Variants in DCC observed in about 807,000 individuals in gnomAD.
DCC encodes DCC netrin 1 receptor.
A neutral mutation model predicts 172.5 loss-of-function variants in DCC; 58 were observed. The ratio of observed to expected loss-of-function variants is 0.34; its 90% CI spans 0.27 to 0.42. The LOEUF (loss-of-function observed/expected upper bound fraction) is 0.42. Ranked by LOEUF, DCC falls within the 10% of genes least tolerant of loss-of-function variation. DCC has a pLI of 1.00. For missense variants in DCC, 1,740 were observed against 1,791.0 expected (o/e 0.97, Z 0.51); for synonymous variants, 709 against 644.5 (o/e 1.10, Z -1.52).
intron 15 of DCC, among the ~76,000 whole-genome samples, chr18:53,350,225 T>G (rs1294475354): frequency 6.6e-6 from 1 of 152,182 alleles, no homozygotes; most frequent in African/African-American, 2.4e-5. Context: ...GGAAAATGAA[T>G]CGAACTCGTT....
intron 7 of DCC, among the ~76,000 whole-genome samples, chr18:53,105,418 C>T (rs979955545): frequency 6.6e-6 from 1 of 151,932 alleles, no homozygotes; most frequent in African/African-American, 2.4e-5. Flanking sequence ...AGTGTTTAGC[C>T]CCAAATTTAC....
intron 13 of DCC, among the ~76,000 whole-genome samples, chr18:53,311,019 T>C (rs1048114423): frequency 2.7e-4 from 22 of 82,852 alleles, no homozygotes; most frequent in Admixed American, 2.3e-3. Flanking sequence ...CACACACACA[T>C]TGAGATTGAA....
At chr18:52,927,017 G>C (rs1330794728) in intron 5 of DCC, among the ~76,000 whole-genome samples, 4 of 119,684 alleles carry the variant, frequency 3.3e-5, no homozygotes, top group African/African-American at 1.2e-4. Flanking sequence ...AATTCACAAA[G>C]AAAAAATGCC....
intron 1 of DCC, among the ~76,000 whole-genome samples, chr18:52,542,639 C>T (rs1027815563): frequency 3.9e-5 from 6 of 152,060 alleles, no homozygotes; most frequent in Non-Finnish European, 1.5e-5. Flanking sequence ...AGTTTGAAAC[C>T]AGCCTGGCCA....
intron 1 of DCC, among the ~76,000 whole-genome samples, chr18:52,589,769 A>G (rs539335536): frequency 6.6e-6 from 1 of 152,346 alleles, no homozygotes; most frequent in East Asian, 1.9e-4. Flanking sequence ...TAGGGAAAAC[A>G]GAGAACTTAG....
intron 1 of DCC, among the ~76,000 whole-genome samples, chr18:52,547,124 A>T (rs759562031): frequency 6.6e-6 from 1 of 152,160 alleles, no homozygotes; most frequent in Non-Finnish European, 1.5e-5. Flanking sequence ...AATGCTAATA[A>T]AATGTCACTG....
At chr18:52,542,525 C>G (rs1483507328) in intron 1 of DCC, among the ~76,000 whole-genome samples, 1 of 152,048 alleles carries the variant, frequency 6.6e-6, no homozygotes, top group Non-Finnish European at 1.5e-5. Flanking sequence ...CTTTGGAATT[C>G]TAGTCTAAAA....
intron 1 of DCC, among the ~76,000 whole-genome samples, chr18:52,575,939 TA>T (rs2033399372): frequency 6.6e-6 from 1 of 152,068 alleles, no homozygotes; most frequent in South Asian, 2.1e-4. Context: ...CCAAAACCAA[TA>T]AAGCAGGCAT....
intron 23 of DCC, among the ~76,000 whole-genome samples, chr18:53,455,772 T>C (rs1599169986): frequency 6.6e-6 from 1 of 152,346 alleles, no homozygotes; most frequent in East Asian, 1.9e-4. Context: ...TACTTTTTCA[T>C]GCACACAAAC....
chr18:53,454,960 A>G (rs568670249), intron 23 of DCC, among the ~76,000 whole-genome samples: 1 of 152,160 alleles, frequency 6.6e-6, no homozygotes, highest in Non-Finnish European at 1.5e-5. Flanking sequence ...TCTAATACAA[A>G]TTTTTGGTTT....
intron 7 of DCC, among the ~76,000 whole-genome samples, chr18:53,112,902 C>T (rs1359016072): frequency 6.6e-6 from 1 of 151,446 alleles, no homozygotes; most frequent in Admixed American, 6.6e-5. Flanking sequence ...ACTTATAAGC[C>T]TTTTTGCTTA....
rs184613106 is a variant in DCC at position 52,501,040 on chromosome 18, C to T, written c.91+160162C>T. ...AGTAGTATCCACTGGTTATAAAATGCCACAGATTCCCTCAAATAACTGCGT... is the reference window on the plus strand; with the variant it reads ...AGTAGTATCCACTGGTTATAAAATGTCACAGATTCCCTCAAATAACTGCGT... On this transcript the variant is annotated intron_variant, in intron 1 of 28. Coordinates refer to ENST00000442544, the MANE Select transcript of DCC (RefSeq NM_005215.4). Among the ~76,000 whole-genome samples, 315 of 152,148 alleles carry T rather than the reference C, an allele frequency of 2.1e-3. 4 individuals are homozygous for T. Among genetic ancestry groups the T allele is most frequent in the African/African-American group, 7.2e-3 (299 of 41,512 alleles).
intron 2 of DCC, among the ~76,000 whole-genome samples, chr18:52,800,582 G>A (rs762932454): frequency 1.6e-4 from 25 of 152,168 alleles, no homozygotes; most frequent in Non-Finnish European, 3.1e-4. Flanking sequence ...TGACGGTGAG[G>A]TTAGATGCAG....
At chr18:53,491,055 G>A (rs1316477942) in intron 26 of DCC, among the ~76,000 whole-genome samples, 1 of 152,046 alleles carries the variant, frequency 6.6e-6, no homozygotes, top group Non-Finnish European at 1.5e-5. Context: ...TGCTAAAGAG[G>A]GGACCTACCT....
At chr18:53,349,190 C>T (rs192034800) in intron 15 of DCC, among the ~76,000 whole-genome samples, 2 of 152,202 alleles carry the variant, frequency 1.3e-5, no homozygotes, top group Admixed American at 1.3e-4. Context: ...TCATCTCCCT[C>T]AAGTTGAAAG....
At chr18:53,120,901 C>T (rs1394118495) in intron 7 of DCC, among the ~76,000 whole-genome samples, 1 of 151,688 alleles carries the variant, frequency 6.6e-6, no homozygotes, top group Non-Finnish European at 1.5e-5. Flanking sequence ...TACTCCAGGG[C>T]AGGGATTACT....
intron 5 of DCC, among the ~76,000 whole-genome samples, chr18:52,958,320 C>A (rs552805188): frequency 1.5e-4 from 23 of 151,672 alleles, no homozygotes; most frequent in Non-Finnish European, 2.8e-4. Flanking sequence ...GAAATCTATC[C>A]AAAAATGTAT....
chr18:53,203,663 AT>A (rs2055579779), intron 9 of DCC, among the ~76,000 whole-genome samples: 1 of 152,196 alleles, frequency 6.6e-6, no homozygotes, highest in African/African-American at 2.4e-5. Context: ...CAACAGATTC[AT>A]GCCAGTCAGT....
intron 27 of DCC, among the ~76,000 whole-genome samples, chr18:53,500,304 AAAT>A (rs3061327): frequency 0.055 from 8,338 of 152,180 alleles, 759 homozygotes; most frequent in African/African-American, 0.19. Flanking sequence ...AGAGATAAAT[AAAT>A]AATAGTACTT....
Sources: gnomAD v4.1 joint callset for allele counts (sites outside exome capture counted in the v4.1 genomes callset) on GRCh38, gnomAD v4.1.1 for gene constraint, MANE v1.5 for transcripts, NCBI Gene and HGNC (gene_info 2026-07-23, HGNC 2026-07-21) for gene names.